USP54: variants seen among roughly 807,000 people sequenced by gnomAD.
USP54 encodes the protein ubiquitin specific peptidase 54.
In USP54, 87 loss-of-function variants were observed where a neutral mutation model predicts 170.5. That is an observed-to-expected ratio of 0.51 (90% CI 0.43 to 0.61). The LOEUF (loss-of-function observed/expected upper bound fraction) is 0.61. USP54 is among the 20% of genes least tolerant of loss of function. The probability of loss-of-function intolerance (pLI) is 0.00; values close to 1 mark genes in which losing one functional copy is unlikely to be tolerated. For missense variants in USP54, 1,786 were observed against 2,047.8 expected, an observed-to-expected ratio of 0.87 and a Z score of 2.47; for synonymous variants, 655 against 742.8, an observed-to-expected ratio of 0.88 and a Z score of 1.92.
intron 15 of USP54, 138 bp downstream of exon 15, chr10:73,529,542 T>C: frequency 3.2e-6 from 3 of 923,744 alleles, no homozygotes; most frequent in Non-Finnish European, 5.3e-6. Context: ...GGTGCTGTTG[T>C]TATAGGAAGT....
At chr10:73,603,792 A>T (rs1240408086) in intron 1 of USP54, among the ~76,000 whole-genome samples, 1 of 151,978 alleles carries the variant, frequency 6.6e-6, no homozygotes, top group African/African-American at 2.4e-5. Flanking sequence ...CAACAACAAC[A>T]AAATACAATT....
At chr10:73,553,853 T>C (rs2070263917) in intron 4 of USP54, among the ~76,000 whole-genome samples, 1 of 152,214 alleles carries the variant, frequency 6.6e-6, no homozygotes, top group South Asian at 2.1e-4. Context: ...ACTAGTTTCT[T>C]GGATGCAGTA....
chr10:73,534,420 G>A (rs1447657601), intron 12 of USP54, among the ~76,000 whole-genome samples, 180 bp downstream of exon 12: 1 of 151,960 alleles, frequency 6.6e-6, no homozygotes, highest in African/African-American at 2.4e-5. Flanking sequence ...CCGTGTGTTA[G>A]CCAGGATGGT....
rs758523171 is a variant in USP54, at chr10:73,517,316, G to A, written c.3110C>T (p.Pro1037Leu). ...AGAGGTGGCTATTCCAGGCATCACC[G>A]GGGAGGGGTTAGCAGGATCCTTCTT... ...QEKKDPANPS[P>L]VMPGIATSER... is the part of the protein sequence containing the mutation. Residue 1037 changes from proline (P) to leucine (L), a missense_variant, in exon 20 of 24, where the codon CCG becomes CTG. Coordinates refer to ENST00000687698, the MANE Select transcript of USP54 (RefSeq NM_001391956.1). 50 of 1,612,392 alleles carry A rather than the reference G, an allele frequency of 3.1e-5. No homozygotes were observed. The highest frequency in any genetic ancestry group is 1.6e-4 in the Middle Eastern group (1 of 6,074).
upstream of USP54, among the ~76,000 whole-genome samples, chr10:73,595,836 G>A (rs1041808258): frequency 3.3e-5 from 5 of 152,070 alleles, no homozygotes; most frequent in Non-Finnish European, 2.9e-5. Context: ...TCAGCCGGGC[G>A]CGGTGGCTCA....
intron 22 of USP54, among the ~76,000 whole-genome samples, chr10:73,501,661 C>A (rs528595239): frequency 6.6e-6 from 1 of 152,292 alleles, no homozygotes; most frequent in East Asian, 1.9e-4. Flanking sequence ...CCCATCCACT[C>A]CTCCTTACTG....
chr10:73,576,519 A>G (rs75410829), intron 1 of USP54, among the ~76,000 whole-genome samples, 158 bp from the exon 2 acceptor site: 44 of 152,008 alleles, frequency 2.9e-4, no homozygotes, highest in African/African-American at 7.9e-4. Context: ...AAAAAAAAAA[A>G]AGAGAGAGAC....
At chr10:73,603,016 T>C (rs1020676715) in intron 1 of USP54, among the ~76,000 whole-genome samples, 4 of 152,082 alleles carry the variant, frequency 2.6e-5, no homozygotes, top group African/African-American at 7.2e-5. Context: ...GAAAACAGCA[T>C]CACAAAAATC....
chr10:73,610,540 C>G (rs1176779191), intron 1 of USP54, among the ~76,000 whole-genome samples: 1 of 152,086 alleles, frequency 6.6e-6, no homozygotes, highest in Non-Finnish European at 1.5e-5. Context: ...GGGAGAATCG[C>G]TTGAACCCAG....
Position 73,498,885 on chromosome 10 carries a change from A to C in USP54, c.4799T>G (p.Val1600Gly), listed in dbSNP as rs1447275629. 6.2e-7 allele frequency: 1 copy of C among 1,613,338 alleles called. No individual in the cohort carries two copies. Among genetic ancestry groups the C allele is most frequent in the East Asian group, 2.2e-5 (1 of 44,862 alleles). The part of the protein sequence containing the change: ...LFHSPSHPPI[V>G]HPVYPPSSSL... ...GCTAGATGGTGGGTACACAGGATGA[A>C]CAATGGGAGGGTGGGAGGGTGAATG... Residue 1600 changes from valine (V) to glycine (G), a missense_variant, in exon 24 of 24, where the codon GTT becomes GGT. Physicochemically the swap from Val to Gly is moderately radical, Grantham distance 109. Transcript: ENST00000687698.
chr10:73,517,156 C>T lies in USP54; in HGVS notation c.3270G>A (p.Val1090=). 2 of 1,614,210 alleles carry T rather than the reference C, an allele frequency of 1.2e-6. No homozygotes were observed. Among genetic ancestry groups the T allele is most frequent in the South Asian group, 2.2e-5 (2 of 91,082 alleles). ...SSFVLHCPDP[V]QKTNQCLQGQ... is the part of the protein sequence containing the mutation. ...CTTGGAGGCATTGGTTAGTTTTCTG[C>T]ACAGGATCAGGACAGTGAAGCACAA... The change falls in exon 20 of 24, where the codon GTG becomes GTA. Residue 1090 remains valine, a synonymous_variant. Transcript: ENST00000687698.
intron 20 of USP54, among the ~76,000 whole-genome samples, chr10:73,515,187 T>G (rs2060862076): frequency 1.3e-5 from 2 of 152,176 alleles, no homozygotes; most frequent in Non-Finnish European, 2.9e-5. Context: ...ACCTGCACCA[T>G]TACAGAAACT....
rs776937804 is a variant in USP54, at chr10:73,536,284, C to T, written c.1129G>A (p.Asp377Asn). 5 of 1,614,036 alleles carry T rather than the reference C, an allele frequency of 3.1e-6. No individual in the cohort carries two copies. The highest frequency in any genetic ancestry group is 1.6e-4 in the Middle Eastern group (1 of 6,062). ...EFQSYSRTCY[D>N]SEDSGREPSI... ...GGCTGCTCACCTGAATCTTCACTGT[C>T]GTAGCATGTCCTGCTGTATGACTGG... Residue 377 changes from aspartate (D) to asparagine (N), a missense_variant, in exon 11 of 24, where the codon GAC becomes AAC. Physicochemically the swap from Asp to Asn is conservative, Grantham distance 23. Transcript: ENST00000687698.
chr10:73,608,020 G>C (rs142893058), intron 1 of USP54, among the ~76,000 whole-genome samples: 80 of 152,200 alleles, frequency 5.3e-4, no homozygotes, highest in African/African-American at 1.8e-3. Context: ...CCAGCAATTT[G>C]GGAGGCCAAG....
intron 1 of USP54, among the ~76,000 whole-genome samples, chr10:73,588,343 C>T (rs1349117276): frequency 6.6e-6 from 1 of 152,184 alleles, no homozygotes; most frequent in African/African-American, 2.4e-5. Flanking sequence ...TCTCAGCCTC[C>T]ATCCATAGTG....
intron 1 of USP54, among the ~76,000 whole-genome samples, chr10:73,624,694 C>T (rs2081383979): frequency 6.6e-6 from 1 of 152,166 alleles, no homozygotes; most frequent in Non-Finnish European, 1.5e-5. Context: ...GTTTTCACTA[C>T]AAATAACAGT....
intron 1 of USP54, among the ~76,000 whole-genome samples, chr10:73,611,302 T>A (rs944757176): frequency 6.6e-6 from 1 of 152,136 alleles, no homozygotes; most frequent in Non-Finnish European, 1.5e-5. Flanking sequence ...CTACTTCTCA[T>A]TAAATATTAA....
chr10:73,617,210 C>T (rs902229722), intron 1 of USP54, among the ~76,000 whole-genome samples: 2 of 150,468 alleles, frequency 1.3e-5, no homozygotes, highest in Non-Finnish European at 2.9e-5. Context: ...GCAGGAGAAT[C>T]GCTTGAAACC....
At chr10:73,550,903 G>T (rs1274593434) in intron 4 of USP54, among the ~76,000 whole-genome samples, 1 of 152,034 alleles carries the variant, frequency 6.6e-6, no homozygotes, top group East Asian at 1.9e-4. Flanking sequence ...TCAGGAGATC[G>T]AGACCATCCT....
Sources: gnomAD v4.1 joint callset for allele counts (sites outside exome capture counted in the v4.1 genomes callset) on GRCh38, gnomAD v4.1.1 for gene constraint, MANE v1.5 for transcripts, NCBI Gene and HGNC (gene_info 2026-07-23, HGNC 2026-07-21) for gene names.